The following SORBS2 variants were observed in gnomAD, a reference collection of about 807,000 sequenced individuals.
SORBS2 encodes sorbin and SH3 domain-containing protein 2.
In SORBS2, 46 loss-of-function variants were observed where a neutral mutation model predicts 97.7. The ratio of observed to expected loss-of-function variants is 0.47; its 90% CI spans 0.37 to 0.60. The LOEUF (loss-of-function observed/expected upper bound fraction) is 0.60, where lower values mean the gene tolerates loss of function less well. SORBS2 is among the 20% of genes least tolerant of loss of function. The pLI is 0.00. For missense variants in SORBS2, 1,316 were observed against 1,282.3 expected, an observed-to-expected ratio of 1.03 and a Z score of -0.40; for synonymous variants, 476 against 473.4, an observed-to-expected ratio of 1.01 and a Z score of -0.07.
intron 1 of SORBS2, among the ~76,000 whole-genome samples, chr4:185,835,579 A>AAAAAG (rs2099207585): frequency 2.0e-5 from 3 of 151,998 alleles, no homozygotes; most frequent in African/African-American, 7.2e-5. Context: ...TCATTTGCGC[A>AAAAAG]CTGTTCAAAA....
chr4:185,851,962 CCTGA>C (rs913674223), intron 1 of SORBS2, among the ~76,000 whole-genome samples: 3 of 152,032 alleles, frequency 2.0e-5, no homozygotes, highest in African/African-American at 7.2e-5. Context: ...TCTACAGAAC[CCTGA>C]CTAATATAAG....
At chr4:185,715,160 G>T (rs2098455855) in intron 2 of SORBS2, among the ~76,000 whole-genome samples, 1 of 152,132 alleles carries the variant, frequency 6.6e-6, no homozygotes, top group Non-Finnish European at 1.5e-5. Flanking sequence ...TGGATAGCAT[G>T]ACTAAATAAG....
intron 4 of SORBS2, among the ~76,000 whole-genome samples, chr4:185,641,804 A>G (rs1252412825): frequency 6.6e-6 from 1 of 151,820 alleles, no homozygotes; most frequent in Non-Finnish European, 1.5e-5. Flanking sequence ...TTTAAAACTA[A>G]CTTTGTTAGT....
intron 2 of SORBS2, among the ~76,000 whole-genome samples, chr4:185,767,615 CAATT>C (rs1205032595): frequency 6.6e-6 from 1 of 151,432 alleles, no homozygotes; most frequent in Non-Finnish European, 1.5e-5. Context: ...ATTATAGGTG[CAATT>C]ATTTTACAGG....
At chr4:185,768,606 C>T (rs1048930071) in intron 2 of SORBS2, among the ~76,000 whole-genome samples, 3 of 148,732 alleles carry the variant, frequency 2.0e-5, no homozygotes, top group East Asian at 2.0e-4. Flanking sequence ...GGGTGAGGCA[C>T]GAGAATCACT....
chr4:185,827,180 GAA>G (rs2099200784), intron 1 of SORBS2, among the ~76,000 whole-genome samples: 1 of 12,056 alleles, frequency 8.3e-5, no homozygotes, highest in South Asian at 4.6e-3. Context: ...ACCATCATCA[GAA>G]TCACCATCAT....
At chr4:185,784,539 A>C (rs2099047308) in intron 1 of SORBS2, among the ~76,000 whole-genome samples, 1 of 152,136 alleles carries the variant, frequency 6.6e-6, no homozygotes, top group South Asian at 2.1e-4. Context: ...TGGAGAGAGG[A>C]TAGAGAGGAA....
At chr4:185,624,544 A>T in intron 6 of SORBS2, 50 bp from the exon 19 acceptor site, 1 of 1,528,174 alleles carries the variant, frequency 6.5e-7, no homozygotes, top group Non-Finnish European at 8.7e-7. Context: ...GAGAAGTTAA[A>T]AGGTTCACAA....
At chr4:185,845,991 C>T (rs747867778) in intron 1 of SORBS2, among the ~76,000 whole-genome samples, 18 of 152,206 alleles carry the variant, frequency 1.2e-4, no homozygotes, top group Non-Finnish European at 1.9e-4. Flanking sequence ...CTTGGAAGAT[C>T]GTTTCTGATA....
intron 1 of SORBS2, among the ~76,000 whole-genome samples, chr4:185,924,040 G>A (rs951199014): frequency 6.6e-6 from 1 of 152,194 alleles, no homozygotes; most frequent in Non-Finnish European, 1.5e-5. Flanking sequence ...TTTATCTCCA[G>A]GTGGTACAGC....
At chr4:185,624,099 G>T (rs1315030677) in exon 7 of SORBS2, 1 of 1,614,174 alleles carries the variant, frequency 6.2e-7, no homozygotes, top group Non-Finnish European at 8.5e-7. Context: ...GCTGACCTGT[G>T]TCTGATCCTT....
chr4:185,827,759 C>CCATCATCATCACCATCATCACCAT (rs1561212688), intron 1 of SORBS2, among the ~76,000 whole-genome samples: 288 of 14,116 alleles, frequency 0.02, 1 homozygote, highest in African/African-American at 0.027. Context: ...ACCATCATCA[C>CCATCATCATCACCATCATCACCAT]CATCATCATC....
intron 1 of SORBS2, among the ~76,000 whole-genome samples, chr4:185,890,728 C>T (rs2099242059): frequency 6.6e-6 from 1 of 152,186 alleles, no homozygotes; most frequent in South Asian, 2.1e-4. Flanking sequence ...TGTATGCACT[C>T]AGGAGCATGG....
intron 1 of SORBS2, among the ~76,000 whole-genome samples, chr4:185,782,720 A>G (rs2099036974): frequency 6.6e-6 from 1 of 152,208 alleles, no homozygotes; most frequent in African/African-American, 2.4e-5. Context: ...GACTGAGAAG[A>G]CTGGAGATTT....
chr4:185,707,166 G>A (rs1323425110), intron 2 of SORBS2, among the ~76,000 whole-genome samples: 1 of 151,980 alleles, frequency 6.6e-6, no homozygotes, highest in Non-Finnish European at 1.5e-5. Flanking sequence ...ATTGACCTGA[G>A]GCCTCACAAC....
rs182622454 is a variant in SORBS2 at position 185,727,901 on chromosome 4, G to A, written c.-198+47326C>T. Among the ~76,000 whole-genome samples, 410 of 152,256 alleles carry A rather than the reference G, an allele frequency of 2.7e-3. 1 individual carries two copies. Among genetic ancestry groups the A allele is most frequent in the Non-Finnish European group, 4.6e-3 (315 of 68,020 alleles). On this transcript the variant is annotated intron_variant, in intron 2 of 20. Coordinates refer to the SORBS2 transcript ENST00000284776. ...ATGTTTTCTTTGATGACTTTCACTG[G>A]AATATGGTTGGCTTTTATGATTAAA...
At chr4:185,611,014 T>C (rs982612651) in intron 12 of SORBS2, among the ~76,000 whole-genome samples, 5 of 152,112 alleles carry the variant, frequency 3.3e-5, no homozygotes, top group Non-Finnish European at 5.9e-5. Context: ...CCTTTTTACA[T>C]TCACCAATTA....
rs376990961 is a variant in SORBS2, at chr4:185,621,256, T to C, written c.2216-1105A>G. 7.2e-5 allele frequency among the ~76,000 whole-genome samples: 11 copies of C among 152,342 alleles called. No homozygotes were observed. In the South Asian group the frequency reaches 2.3e-3, roughly 32 times the overall value. ...TGATGATGTAAATTCTAAGTTAATATACTTTTATGATCATAGGGCCTCATA... is the reference window on the plus strand; with the variant it reads ...TGATGATGTAAATTCTAAGTTAATACACTTTTATGATCATAGGGCCTCATA... On this transcript the variant is annotated intron_variant, in intron 7 of 14. Coordinates refer to ENST00000418609, the Ensembl canonical transcript of SORBS2.
intron 2 of SORBS2, among the ~76,000 whole-genome samples, chr4:185,717,112 T>C (rs1039496035): frequency 2.0e-5 from 3 of 152,332 alleles, no homozygotes; most frequent in Middle Eastern, 3.4e-3. Context: ...ATTGGAAGTA[T>C]ACTGAGAAGA....
Sources: allele counts gnomAD v4.1 joint callset (sites outside exome capture counted in the v4.1 genomes callset), GRCh38; gene constraint gnomAD v4.1.1; transcripts MANE v1.5; gene names NCBI Gene and HGNC (gene_info 2026-07-23, HGNC 2026-07-21).